Variants in ATP9B observed in about 807,000 individuals in gnomAD.
The protein encoded by ATP9B is ATPase phospholipid transporting 9B, also known as probable phospholipid-transporting ATPase IIB.
In ATP9B, 110 loss-of-function variants were observed where a neutral mutation model predicts 146.1. The observed-to-expected ratio is 0.75, with a 90% confidence interval of 0.65 to 0.88. The LOEUF (loss-of-function observed/expected upper bound fraction) is 0.88. ATP9B is among the 40% of genes least tolerant of loss of function. The pLI is 0.00. For missense variants in ATP9B, 1,499 were observed against 1,496.4 expected, an observed-to-expected ratio of 1.00 and a Z score of -0.03; for synonymous variants, 604 against 569.7, an observed-to-expected ratio of 1.06 and a Z score of -0.86.
At chr18:79,223,950 G>C (rs1290146225) in intron 11 of ATP9B, among the ~76,000 whole-genome samples, 3 of 151,972 alleles carry the variant, frequency 2.0e-5, no homozygotes, top group Non-Finnish European at 4.4e-5. Flanking sequence ...TTAGAAAACA[G>C]GTGCTCCAAA....
Position 79,256,257 on chromosome 18 carries a change from C to CCATATATATATATATATATA in ATP9B, c.1268+2716_1268+2717insCATATATATATATATATATA, listed in dbSNP as rs1262664506. Among the ~76,000 whole-genome samples, 252 of 100,314 alleles carry CCATATATATATATATATATA rather than the reference C, an allele frequency of 2.5e-3. 11 individuals are homozygous for CCATATATATATATATATATA. Among genetic ancestry groups the CCATATATATATATATATATA allele is most frequent in the Admixed American group, 3.7e-3 (37 of 9,870 alleles). 65.8% of individuals were successfully genotyped at this position (100,314 alleles called of 152,430 possible). The stretch of plus-strand genomic sequence containing the variant: ...ATGCCATTTTGTGAATTCTAGCTAG[C>CCATATATATATATATATATA]TATATATATATATATATATATATAT... On this transcript the variant is annotated intron_variant, in intron 12 of 29. Coordinates refer to ENST00000426216, the MANE Select transcript of ATP9B (RefSeq NM_198531.5).
intron 1 of ATP9B, among the ~76,000 whole-genome samples, chr18:79,082,310 T>A (rs928297208): frequency 6.6e-6 from 1 of 152,216 alleles, no homozygotes; most frequent in African/African-American, 2.4e-5. Flanking sequence ...CCTCTAACCT[T>A]TTTTCAAGGT....
At chr18:79,281,769 A>G (rs1029036677) in intron 13 of ATP9B, among the ~76,000 whole-genome samples, 16 of 152,214 alleles carry the variant, frequency 1.1e-4, no homozygotes, top group Admixed American at 7.9e-4. Context: ...CATGCCAGTA[A>G]TCCCAGCACT....
intron 19 of ATP9B, among the ~76,000 whole-genome samples, chr18:79,340,017 A>G (rs947677819): frequency 1.3e-5 from 2 of 152,124 alleles, no homozygotes; most frequent in Non-Finnish European, 2.9e-5. Context: ...TGTGCCTGGG[A>G]TCCCAGCTAC....
chr18:79,271,940 G>A (rs1166838272), intron 12 of ATP9B, among the ~76,000 whole-genome samples: 1 of 152,176 alleles, frequency 6.6e-6, no homozygotes, highest in East Asian at 1.9e-4. Flanking sequence ...TCTAACTGGT[G>A]TGAGATGGTA....
intron 13 of ATP9B, among the ~76,000 whole-genome samples, chr18:79,293,457 T>G (rs1328046375): frequency 2.0e-5 from 3 of 151,846 alleles, no homozygotes; most frequent in Non-Finnish European, 2.9e-5. Context: ...TTTCATGGAG[T>G]GTTAGTTGTC....
At chr18:79,327,223 G>C (rs2096752420) in intron 15 of ATP9B, among the ~76,000 whole-genome samples, 1 of 152,256 alleles carries the variant, frequency 6.6e-6, no homozygotes, top group African/African-American at 2.4e-5. Context: ...CTGAGAGTGA[G>C]GTGGAGGTTA....
At chr18:79,366,017 A>G (rs1045230700) in intron 26 of ATP9B, among the ~76,000 whole-genome samples, 6 of 152,254 alleles carry the variant, frequency 3.9e-5, no homozygotes, top group Non-Finnish European at 8.8e-5. Flanking sequence ...CTTAGCAGTG[A>G]GGGGTTACTG....
At chr18:79,127,858 C>T (rs2094312971) in intron 5 of ATP9B, among the ~76,000 whole-genome samples, 1 of 152,150 alleles carries the variant, frequency 6.6e-6, no homozygotes, top group Admixed American at 6.5e-5. Flanking sequence ...TTTCCCACAT[C>T]CTCACCTGTA....
At chr18:79,283,940 A>G (rs1325778166) in intron 13 of ATP9B, among the ~76,000 whole-genome samples, 2 of 152,230 alleles carry the variant, frequency 1.3e-5, no homozygotes, top group Non-Finnish European at 2.9e-5. Context: ...CAATACATTA[A>G]TTCCTTTGTT....
chr18:79,179,675 C>G (rs1272782622), intron 8 of ATP9B, among the ~76,000 whole-genome samples: 1 of 151,994 alleles, frequency 6.6e-6, no homozygotes, highest in African/African-American at 2.4e-5. Context: ...TATTTCAGTC[C>G]TTTCATATGT....
At chr18:79,099,085 T>G (rs1251034321) in intron 2 of ATP9B, among the ~76,000 whole-genome samples, 2 of 152,214 alleles carry the variant, frequency 1.3e-5, no homozygotes, top group Non-Finnish European at 2.9e-5. Context: ...CTCGCTTTTC[T>G]TTTTCTAGCT....
chr18:79,126,228 A>C (rs1427842434), intron 4 of ATP9B, 39 bp from the exon 5 acceptor site: 13 of 1,508,876 alleles, frequency 8.6e-6, no homozygotes, highest in Non-Finnish European at 1.0e-5. Flanking sequence ...TTTTTTGTTA[A>C]AGTTTAGTTT....
intron 17 of ATP9B, among the ~76,000 whole-genome samples, chr18:79,335,070 C>T (rs762607166): frequency 2.0e-5 from 3 of 152,024 alleles, no homozygotes; most frequent in Non-Finnish European, 4.4e-5. Context: ...GAACTGTTTT[C>T]ACTTTGCACA....
intron 15 of ATP9B, among the ~76,000 whole-genome samples, chr18:79,319,856 GTA>G (rs2096705525): frequency 6.6e-6 from 1 of 152,164 alleles, no homozygotes; most frequent in Admixed American, 6.5e-5. Context: ...GCTTACAGGA[GTA>G]CTCTTTGATT....
chr18:79,069,486 T>A lies in ATP9B; in HGVS notation c.76T>A (p.Tyr26Asn). Residue 26 changes from tyrosine (Y) to asparagine (N), a missense_variant, in exon 1 of 30, where the codon TAC becomes AAC. Physicochemically the swap from Tyr to Asn is moderately radical, Grantham distance 143 (BLOSUM62 -2). Transcript: ENST00000426216. ...AAANRKRAAY[Y>N]SAAGPRPGAD... ...AGCCAACCGCAAACGCGCGGCCTAC[T>A]ACAGCGCCGCGGGGCCCAGGCCGGG... is the stretch of plus-strand genomic sequence containing the variant. 6.8e-7 allele frequency: 1 copy of A among 1,480,490 alleles called. No homozygotes were observed. The highest frequency in any genetic ancestry group is 9.0e-7 in the Non-Finnish European group (1 of 1,116,064). The allele number at this position is 1,480,490 out of a possible 1,614,324, so 91.7% of individuals were successfully genotyped here.
At chr18:79,155,703 A>G (rs957144603) in intron 7 of ATP9B, among the ~76,000 whole-genome samples, 21 of 151,634 alleles carry the variant, frequency 1.4e-4, no homozygotes, top group Admixed American at 8.5e-4. Flanking sequence ...TTTATAAACA[A>G]CATACTTTTA....
chr18:79,365,004 T>G (rs1600412285), intron 26 of ATP9B, among the ~76,000 whole-genome samples: 1 of 150,758 alleles, frequency 6.6e-6, no homozygotes, highest in African/African-American at 2.5e-5. Context: ...CACTCCAGCC[T>G]GGGTGACAGA....
At chr18:79,365,430 G>A (rs1036144682) in intron 26 of ATP9B, among the ~76,000 whole-genome samples, 3 of 152,210 alleles carry the variant, frequency 2.0e-5, no homozygotes, top group Admixed American at 6.5e-5. Context: ...CAGCCTCTTC[G>A]GAAGACAGTT....
Sources: gnomAD v4.1 joint callset for allele counts (sites outside exome capture counted in the v4.1 genomes callset) on GRCh38, gnomAD v4.1.1 for gene constraint, MANE v1.5 for transcripts, NCBI Gene and HGNC (gene_info 2026-07-23, HGNC 2026-07-21) for gene names.